RYR3: variants seen among roughly 807,000 people sequenced by gnomAD.
RYR3 encodes the protein ryanodine receptor 3.
In RYR3, 207 loss-of-function variants were observed where a neutral mutation model predicts 584.3. The ratio of observed to expected loss-of-function variants is 0.35; its 90% CI spans 0.32 to 0.40. The LOEUF is 0.40. RYR3 is among the 10% of genes least tolerant of loss of function. The probability of loss-of-function intolerance (pLI) is 1.00; values close to 1 mark genes in which losing one functional copy is unlikely to be tolerated. For missense variants in RYR3, 5,616 were observed against 6,089.2 expected, an observed-to-expected ratio of 0.92 and a Z score of 2.59; for synonymous variants, 2,416 against 2,248.5, an observed-to-expected ratio of 1.07 and a Z score of -2.11.
chr15:33,425,690 G>T (rs1364238187), intron 1 of RYR3, among the ~76,000 whole-genome samples: 1 of 146,214 alleles, frequency 6.8e-6, no homozygotes, highest in Admixed American at 6.9e-5. Context: ...GGCCCAGGCT[G>T]GAGTGAATTG....
rs1467113335 is a variant in RYR3 at position 33,731,624 on chromosome 15, C to T, written c.7354C>T (p.Leu2452=). Residue 2452 remains leucine, a synonymous_variant, in exon 48 of 104, where the codon CTA becomes TTA. Transcript: ENST00000634891. Reference sequence around the variant, plus strand: ...TTCCACACTGCAGACAATATACAGGCTATCCAAGGGACGTTCCCTCACCAA... The same window carrying T: ...TTCCACACTGCAGACAATATACAGGTTATCCAAGGGACGTTCCCTCACCAA... ...IDSTLQTIYR[L]SKGRSLTKAQ... 7.4e-6 allele frequency: 12 copies of T among 1,613,854 alleles called. No individual in the cohort carries two copies. Among genetic ancestry groups the T allele is most frequent in the Non-Finnish European group, 1.0e-5 (12 of 1,179,770 alleles).
chr15:33,348,635 C>T (rs1211123944), intron 1 of RYR3, among the ~76,000 whole-genome samples: 1 of 152,092 alleles, frequency 6.6e-6, no homozygotes, highest in Non-Finnish European at 1.5e-5. Context: ...GCCACCATGC[C>T]CGGGCTAATT....
intron 48 of RYR3, among the ~76,000 whole-genome samples, chr15:33,735,631 C>G (rs543880033): frequency 3.3e-5 from 5 of 152,192 alleles, no homozygotes; most frequent in Non-Finnish European, 7.3e-5. Flanking sequence ...TCTCTCCTTT[C>G]TCTACCTCAA....
intron 2 of RYR3, among the ~76,000 whole-genome samples, chr15:33,494,977 C>A (rs530472098): frequency 9.6e-4 from 146 of 152,268 alleles, no homozygotes; most frequent in Non-Finnish European, 1.9e-3. Flanking sequence ...TTGAAACTTG[C>A]ACCATCATCC....
intron 50 of RYR3, among the ~76,000 whole-genome samples, chr15:33,738,834 A>C (rs2152832910): frequency 6.6e-6 from 1 of 152,336 alleles, no homozygotes; most frequent in East Asian, 1.9e-4. Flanking sequence ...TGTACGAGGG[A>C]AAGTGACTAC....
chr15:33,516,488 T>A (rs374266234), intron 3 of RYR3, among the ~76,000 whole-genome samples: 1 of 151,822 alleles, frequency 6.6e-6, no homozygotes, highest in African/African-American at 2.4e-5. Flanking sequence ...GGATTACAGA[T>A]GCCCACCACC....
At chr15:33,736,468 G>C (rs8041430) in intron 49 of RYR3, 143 bp downstream of exon 49, 433,165 of 559,894 alleles carry the variant, frequency 0.77, 168,441 homozygotes, top group East Asian at 0.81. Flanking sequence ...TAACAAGATA[G>C]ATCCCACAAA....
chr15:33,415,864 C>T (rs2141546549), intron 1 of RYR3, among the ~76,000 whole-genome samples: 1 of 152,172 alleles, frequency 6.6e-6, no homozygotes, highest in South Asian at 2.1e-4. Flanking sequence ...CCACCTTCAT[C>T]CCTCCCTCCC....
intron 45 of RYR3, among the ~76,000 whole-genome samples, chr15:33,725,137 T>G (rs899279605): frequency 7.2e-6 from 1 of 138,344 alleles, no homozygotes; most frequent in African/African-American, 2.6e-5. Flanking sequence ...CCTTACTGCC[T>G]CTCTGCTCCA....
intron 3 of RYR3, among the ~76,000 whole-genome samples, chr15:33,522,587 A>G (rs771831936): frequency 8.5e-5 from 13 of 152,230 alleles, no homozygotes; most frequent in Non-Finnish European, 1.6e-4. Flanking sequence ...GTTGAGAGCC[A>G]CAGGAGGTAG....
At chr15:33,557,190 A>ATCG (rs72256285) in intron 10 of RYR3, among the ~76,000 whole-genome samples, 2 of 17,990 alleles carry the variant, frequency 1.1e-4, no homozygotes, top group Admixed American at 3.2e-3. Flanking sequence ...CCTCAGTGTT[A>ATCG]TCTATAAAGT....
chr15:33,485,546 G>A (rs59879412), intron 2 of RYR3, among the ~76,000 whole-genome samples: 18,403 of 152,178 alleles, frequency 0.12, 2,762 homozygotes, highest in African/African-American at 0.36. Flanking sequence ...GATAAATGAG[G>A]AACTCATGTT....
intron 1 of RYR3, among the ~76,000 whole-genome samples, chr15:33,347,135 AG>A (rs1235143600): frequency 1.3e-5 from 2 of 152,154 alleles, no homozygotes; most frequent in Admixed American, 1.3e-4. Context: ...TGGCTGACAT[AG>A]TACTTGTTGG....
intron 1 of RYR3, among the ~76,000 whole-genome samples, chr15:33,411,664 C>T (rs935671268): frequency 1.3e-5 from 2 of 152,180 alleles, no homozygotes; most frequent in Non-Finnish European, 2.9e-5. Flanking sequence ...TTCCACTTCC[C>T]CTTAGGAGTT....
chr15:33,804,166 G>C (rs575495443), intron 69 of RYR3, among the ~76,000 whole-genome samples: 2 of 152,332 alleles, frequency 1.3e-5, no homozygotes, highest in East Asian at 3.9e-4. Context: ...TTCCTTGCTG[G>C]TCCGGTTAGT....
Position 33,588,120 on chromosome 15 carries a change from GT to G in RYR3, c.1788+2006del, listed in dbSNP as rs568753662. 3.7e-3 allele frequency among the ~76,000 whole-genome samples: 565 copies of G among 152,348 alleles called. 2 individuals carry two copies. Among genetic ancestry groups the G allele is most frequent in the African/African-American group, 0.013 (550 of 41,580 alleles). ...TTTATTTTGCACTTAACAAATGCCA[GT>G]TATTGCTGTCAGTGTTCATGTGTAT... On this transcript the variant is annotated intron_variant, in intron 16 of 103. Coordinates refer to ENST00000634891, the MANE Select transcript of RYR3 (RefSeq NM_001036.6).
At chr15:33,859,437 A>G in intron 99 of RYR3, 138 bp from the exon 100 acceptor site, 1 of 809,142 alleles carries the variant, frequency 1.2e-6, no homozygotes, top group Non-Finnish European at 2.0e-6. Context: ...AGCAGCATGA[A>G]TACTGGCACC....
At chr15:33,631,843 G>A (rs371396803) in intron 23 of RYR3, among the ~76,000 whole-genome samples, 1 of 152,230 alleles carries the variant, frequency 6.6e-6, no homozygotes, top group Non-Finnish European at 1.5e-5. Context: ...CATGCCAGCA[G>A]ATATGCAGAT....
intron 38 of RYR3, among the ~76,000 whole-genome samples, chr15:33,690,772 CA>C (rs1202292784): frequency 6.6e-6 from 1 of 152,070 alleles, no homozygotes; most frequent in East Asian, 1.9e-4. Flanking sequence ...CTGAGAACCC[CA>C]AAAGCTTTAG....
Sources: allele counts gnomAD v4.1 joint callset (sites outside exome capture counted in the v4.1 genomes callset), GRCh38; gene constraint gnomAD v4.1.1; transcripts MANE v1.5; gene names NCBI Gene and HGNC (gene_info 2026-07-23, HGNC 2026-07-21).